Variants in TBC1D8 observed in about 807,000 individuals in gnomAD.
TBC1D8 encodes the protein TBC1 domain family member 8.
Under a neutral mutation model 118.8 loss-of-function variants are expected in TBC1D8, and 65 were observed. That is an observed-to-expected ratio of 0.55 (90% CI 0.45 to 0.67). The LOEUF (loss-of-function observed/expected upper bound fraction) is 0.67, where lower values mean the gene tolerates loss of function less well. Among genes scored for constraint, TBC1D8 ranks in the 30% least tolerant of loss-of-function variants. The pLI is 0.00. For missense variants in TBC1D8, 1,376 were observed against 1,471.2 expected (o/e 0.94, Z 1.06); for synonymous variants, 566 against 595.8 (o/e 0.95, Z 0.73).
intron 1 of TBC1D8, among the ~76,000 whole-genome samples, chr2:101,100,573 G>A (rs569621398): frequency 1.3e-5 from 2 of 152,064 alleles, no homozygotes; most frequent in Non-Finnish European, 2.9e-5. Context: ...TAAACAAAAA[G>A]AACAAAGCTG....
intron 1 of TBC1D8, among the ~76,000 whole-genome samples, chr2:101,106,002 G>A (rs1290217107): frequency 6.6e-6 from 1 of 151,724 alleles, no homozygotes; most frequent in Non-Finnish European, 1.5e-5. Context: ...ACCAAACTGT[G>A]GTTAGATCCA....
intron 1 of TBC1D8, among the ~76,000 whole-genome samples, chr2:101,133,720 T>G (rs1347375214): frequency 6.6e-6 from 1 of 152,088 alleles, no homozygotes; most frequent in Non-Finnish European, 1.5e-5. Context: ...ACTATGACCT[T>G]AGGGGGTTGT....
chr2:101,079,311 T>C (rs1028177628), intron 2 of TBC1D8, among the ~76,000 whole-genome samples: 6 of 152,208 alleles, frequency 3.9e-5, no homozygotes, highest in African/African-American at 1.4e-4. Context: ...TACCAACTGG[T>C]TCTGTAACCT....
chr2:101,126,189 G>C (rs1177537881), intron 1 of TBC1D8, among the ~76,000 whole-genome samples: 1 of 152,092 alleles, frequency 6.6e-6, no homozygotes, highest in African/African-American at 2.4e-5. Flanking sequence ...GAGAGGAGAT[G>C]GTGCCAGGCT....
intron 1 of TBC1D8, among the ~76,000 whole-genome samples, chr2:101,139,376 G>A (rs568240715): frequency 1.3e-5 from 2 of 150,342 alleles, no homozygotes; most frequent in African/African-American, 4.9e-5. Context: ...GCCTTCATCC[G>A]CCATCCCTAC....
chr2:101,105,150 CTTTAT>C (rs1454856704), intron 1 of TBC1D8, among the ~76,000 whole-genome samples: 2 of 151,914 alleles, frequency 1.3e-5, no homozygotes, highest in African/African-American at 4.8e-5. Context: ...TGATGTTAGA[CTTTAT>C]TTTAAAATTT....
In TBC1D8 at chr2:101,028,388, A is replaced by C. The variant is rs1461288833; in HGVS notation, c.2267T>G (p.Val756Gly). ...GGAGAAAAAGGCATGGTGGCTGCCA[A>C]CTGGGGGCCCTGGGCTGTCCTCATT... The part of the protein sequence containing the change: ...IKNEDSPGPP[V>G]GSHHAFFSDD... The change falls in exon 13 of 20, where the codon GTT becomes GGT. Residue 756 changes from valine to glycine, a missense_variant. Val to Gly is a moderately radical substitution (Grantham distance 109, BLOSUM62 -3). Transcript: ENST00000409318. 6.2e-7 allele frequency: 1 copy of C among 1,609,764 alleles called. No homozygotes were observed. Among genetic ancestry groups the C allele is most frequent in the African/African-American group, 1.3e-5 (1 of 74,872 alleles).
intron 17 of TBC1D8, among the ~76,000 whole-genome samples, chr2:101,016,772 T>C (rs1679672809): frequency 6.6e-6 from 1 of 152,108 alleles, no homozygotes. Context: ...ATGTCCTTTG[T>C]AGGGACATGG....
At chr2:101,081,151 T>A (rs1180753011) in intron 2 of TBC1D8, among the ~76,000 whole-genome samples, 1 of 152,216 alleles carries the variant, frequency 6.6e-6, no homozygotes. Flanking sequence ...ATCTTTAACA[T>A]TTCAAAAGGA....
chr2:101,027,098 G>A (rs1680381359), intron 15 of TBC1D8, among the ~76,000 whole-genome samples: 1 of 152,198 alleles, frequency 6.6e-6, no homozygotes, highest in Non-Finnish European at 1.5e-5. Context: ...TCACAGCACC[G>A]AAGCCCTCCC....
rs1402712361 is a variant in TBC1D8, at chr2:101,032,353, C to CA, written c.1850dup (p.Tyr618ValfsTer16). ...AGAAGGCTTCCTCCTCCTTGGTGTACAGCAGCAGCACGGAGGTCAGGATGT... is the reference window on the plus strand; with the variant it reads ...AGAAGGCTTCCTCCTCCTTGGTGTACAAGCAGCAGCACGGAGGTCAGGATGT... On this transcript the variant is annotated frameshift_variant, in exon 11 of 20. Transcript: ENST00000409318. LOFTEE classifies it high-confidence loss of function. The CA allele has an allele frequency of 6.2e-7, 1 of 1,613,662 alleles. No individual in the cohort carries two copies. The highest frequency in any genetic ancestry group is 8.5e-7 in the Non-Finnish European group (1 of 1,179,726).
chr2:101,095,295 C>T (rs1397854120), intron 1 of TBC1D8, among the ~76,000 whole-genome samples: 7 of 128,928 alleles, frequency 5.4e-5, no homozygotes, highest in African/African-American at 1.9e-4. Flanking sequence ...TACATGTGCA[C>T]AATGTGCAGG....
chr2:101,016,607 A>G (rs1233771228), intron 17 of TBC1D8, among the ~76,000 whole-genome samples: 3 of 152,172 alleles, frequency 2.0e-5, no homozygotes, highest in South Asian at 2.1e-4. Flanking sequence ...TCATGCTGCT[A>G]TAAAGACACA....
At chr2:101,075,321 C>G (rs1376896874) in intron 2 of TBC1D8, among the ~76,000 whole-genome samples, 1 of 149,262 alleles carries the variant, frequency 6.7e-6, no homozygotes, top group Non-Finnish European at 1.5e-5. Flanking sequence ...TTGCTTGAAC[C>G]TGGGAGGTTC....
intron 1 of TBC1D8, among the ~76,000 whole-genome samples, chr2:101,118,675 C>G (rs1265064053): frequency 7.2e-6 from 1 of 138,308 alleles, no homozygotes; most frequent in East Asian, 2.1e-4. Flanking sequence ...CCAGTCTGGG[C>G]GACAGAATGA....
At chr2:101,117,340 A>C (rs1028720774) in intron 1 of TBC1D8, among the ~76,000 whole-genome samples, 5 of 152,094 alleles carry the variant, frequency 3.3e-5, no homozygotes, top group Non-Finnish European at 7.4e-5. Flanking sequence ...TAAATATACA[A>C]AGAGATGGCT....
intron 1 of TBC1D8, among the ~76,000 whole-genome samples, chr2:101,134,193 TCTCTCACACA>T (rs1285301426): frequency 0.011 from 1,344 of 122,276 alleles, 5 homozygotes; most frequent in East Asian, 0.024. Flanking sequence ...TCTCTCTCTC[TCTCTCACACA>T]CACACACACA....
chr2:101,085,927 G>A (rs1675591658), intron 2 of TBC1D8, among the ~76,000 whole-genome samples: 2 of 152,174 alleles, frequency 1.3e-5, no homozygotes, highest in Admixed American at 1.3e-4. Context: ...GGATCACGAG[G>A]TCAGGAGATT....
At chr2:101,129,139 G>C (rs1678476077) in intron 1 of TBC1D8, among the ~76,000 whole-genome samples, 1 of 151,956 alleles carries the variant, frequency 6.6e-6, no homozygotes, top group African/African-American at 2.4e-5. Context: ...GTTTTATTTT[G>C]TTTTGTTTTT....
Sources: gnomAD v4.1 joint callset for allele counts (sites outside exome capture counted in the v4.1 genomes callset) on GRCh38, gnomAD v4.1.1 for gene constraint, MANE v1.5 for transcripts, NCBI Gene and HGNC (gene_info 2026-07-23, HGNC 2026-07-21) for gene names.